The following LRRC4C variants were observed in gnomAD, a reference collection of about 807,000 sequenced individuals.
LRRC4C encodes the protein leucine rich repeat containing 4C, also known as leucine-rich repeat-containing protein 4C.
Under a neutral mutation model 33.6 loss-of-function variants are expected in LRRC4C, and 5 were observed. That is an observed-to-expected ratio of 0.15 (90% CI 0.08 to 0.31). The LOEUF (loss-of-function observed/expected upper bound fraction) is 0.31. LRRC4C is among the 10% of genes least tolerant of loss of function. The probability of loss-of-function intolerance (pLI) is 1.00; values close to 1 mark genes in which losing one functional copy is unlikely to be tolerated. For synonymous variants in LRRC4C, 329 were observed against 302.0 expected (o/e 1.09, Z -0.93); for missense variants, 560 against 796.7 (o/e 0.70, Z 3.58).
At chr11:41,248,964 G>T (rs1048816438) in intron 1 of LRRC4C, among the ~76,000 whole-genome samples, 1 of 151,470 alleles carries the variant, frequency 6.6e-6, no homozygotes, top group African/African-American at 2.4e-5. Context: ...ATTGGTTTTA[G>T]ATTCAAAATA....
chr11:40,501,889 G>A (rs1284619697), intron 3 of LRRC4C, among the ~76,000 whole-genome samples: 1 of 152,118 alleles, frequency 6.6e-6, no homozygotes, highest in Non-Finnish European at 1.5e-5. Flanking sequence ...CTATTGTCAG[G>A]CTGCAAAATT....
intron 3 of LRRC4C, among the ~76,000 whole-genome samples, chr11:40,495,810 C>A (rs1243159905): frequency 3.6e-5 from 2 of 55,068 alleles, no homozygotes; most frequent in Non-Finnish European, 7.8e-5. Context: ...TCTCAATAAA[C>A]ATGTTTTTTT....
At chr11:40,405,626 A>AG (rs1949935407) in intron 3 of LRRC4C, among the ~76,000 whole-genome samples, 1 of 150,068 alleles carries the variant, frequency 6.7e-6, no homozygotes, top group Admixed American at 6.6e-5. Context: ...AAAAAAAAAA[A>AG]GGAATGTACA....
chr11:40,356,164 G>A (rs1352415932), intron 3 of LRRC4C, among the ~76,000 whole-genome samples: 2 of 152,000 alleles, frequency 1.3e-5, no homozygotes, highest in African/African-American at 2.4e-5. Context: ...CAGTTATGTG[G>A]TCTTTGCCAA....
chr11:41,238,641 T>C (rs1316051560), intron 1 of LRRC4C, among the ~76,000 whole-genome samples: 2 of 152,156 alleles, frequency 1.3e-5, no homozygotes, highest in Non-Finnish European at 2.9e-5. Context: ...CTTATTTGTT[T>C]TGAACATGGG....
chr11:41,137,833 C>A (rs1474884325), intron 1 of LRRC4C, among the ~76,000 whole-genome samples: 3 of 152,164 alleles, frequency 2.0e-5, no homozygotes, highest in Non-Finnish European at 4.4e-5. Context: ...CTAAAAATAT[C>A]TGCCCATTGA....
chr11:41,021,411 A>C (rs1382870588), intron 1 of LRRC4C, among the ~76,000 whole-genome samples: 3 of 152,016 alleles, frequency 2.0e-5, no homozygotes, highest in Non-Finnish European at 4.4e-5. Flanking sequence ...TTAACAAAAA[A>C]CCCTACACTA....
At chr11:40,527,729 A>G (rs1956111317) in intron 3 of LRRC4C, among the ~76,000 whole-genome samples, 1 of 152,038 alleles carries the variant, frequency 6.6e-6, no homozygotes, top group South Asian at 2.1e-4. Context: ...GGTCTACAGC[A>G]CAAAGAGAAG....
chr11:40,430,263 G>A (rs139536582), intron 3 of LRRC4C, among the ~76,000 whole-genome samples: 2 of 138,292 alleles, frequency 1.4e-5, no homozygotes, highest in Non-Finnish European at 3.1e-5. Context: ...GTGCACGTAT[G>A]GGGGGGGTTG....
intron 2 of LRRC4C, among the ~76,000 whole-genome samples, chr11:40,816,818 T>G (rs1951722887): frequency 6.6e-6 from 1 of 152,142 alleles, no homozygotes; most frequent in South Asian, 2.1e-4. Context: ...TAGGGTATTT[T>G]GATGTTTTTT....
intron 1 of LRRC4C, among the ~76,000 whole-genome samples, chr11:41,142,486 G>C (rs1943550409): frequency 1.3e-5 from 2 of 152,140 alleles, no homozygotes; most frequent in African/African-American, 4.8e-5. Context: ...CTGCACTTTA[G>C]GAACTACTGA....
At chr11:40,909,384 T>C (rs1312462733) in intron 2 of LRRC4C, among the ~76,000 whole-genome samples, 3 of 152,172 alleles carry the variant, frequency 2.0e-5, no homozygotes, top group Admixed American at 1.3e-4. Context: ...GATAATTATA[T>C]AGAATACATT....
At chr11:41,325,450 A>T (rs1951079375) in intron 1 of LRRC4C, among the ~76,000 whole-genome samples, 1 of 151,964 alleles carries the variant, frequency 6.6e-6, no homozygotes, top group South Asian at 2.1e-4. Flanking sequence ...TTCTTGAACT[A>T]CTGTTATGTT....
intron 1 of LRRC4C, among the ~76,000 whole-genome samples, chr11:41,036,948 A>G (rs1857114421): frequency 6.6e-6 from 1 of 152,232 alleles, no homozygotes; most frequent in African/African-American, 2.4e-5. Flanking sequence ...TTTACAATTT[A>G]TAGACTTATA....
chr11:40,775,183 G>A (rs1949935473), intron 2 of LRRC4C, among the ~76,000 whole-genome samples: 1 of 152,068 alleles, frequency 6.6e-6, no homozygotes, highest in Non-Finnish European at 1.5e-5. Flanking sequence ...GGCCGAGGTG[G>A]ATGGATCATG....
chr11:41,227,431 T>C (rs950121567), intron 1 of LRRC4C, among the ~76,000 whole-genome samples: 13 of 152,094 alleles, frequency 8.5e-5, no homozygotes, highest in African/African-American at 2.9e-4. Context: ...ATTCCAAAAG[T>C]ACAGAAATAT....
At chr11:40,230,114 C>T (rs1201106797) in intron 5 of LRRC4C, among the ~76,000 whole-genome samples, 6 of 152,132 alleles carry the variant, frequency 3.9e-5, no homozygotes, top group Non-Finnish European at 7.3e-5. Flanking sequence ...TACTAAATAT[C>T]AGTGATGGAA....
chr11:40,509,155 C>A (rs192304910), intron 3 of LRRC4C, among the ~76,000 whole-genome samples: 1 of 152,182 alleles, frequency 6.6e-6, no homozygotes, highest in Non-Finnish European at 1.5e-5. Flanking sequence ...TAATAGCCAA[C>A]AATAGGAGAT....
intron 1 of LRRC4C, among the ~76,000 whole-genome samples, chr11:41,328,506 C>A (rs1391551651): frequency 6.6e-6 from 1 of 152,056 alleles, no homozygotes; most frequent in Non-Finnish European, 1.5e-5. Flanking sequence ...CACACTCCAC[C>A]CAGGCCAACA....
Sources: allele counts gnomAD v4.1 joint callset (sites outside exome capture counted in the v4.1 genomes callset), GRCh38; gene constraint gnomAD v4.1.1; transcripts MANE v1.5; gene names NCBI Gene and HGNC (gene_info 2026-07-23, HGNC 2026-07-21).